Variants in ANAPC10 observed in about 807,000 individuals in gnomAD.
The protein encoded by ANAPC10 is anaphase promoting complex subunit 10.
A neutral mutation model predicts 22.0 loss-of-function variants in ANAPC10; 12 were observed. That is an observed-to-expected ratio of 0.55 (90% CI 0.35 to 0.88). The LOEUF (loss-of-function observed/expected upper bound fraction) is 0.88. Among genes scored for constraint, ANAPC10 ranks in the 40% least tolerant of loss-of-function variants. The pLI, the probability that ANAPC10 is intolerant of heterozygous loss-of-function variation, is 0.01. For synonymous variants in ANAPC10, 65 were observed against 69.5 expected, an observed-to-expected ratio of 0.94 and a Z score of 0.32; for missense variants, 188 against 220.9, an observed-to-expected ratio of 0.85 and a Z score of 0.94.
At chr4:145,028,649 A>T (rs1737095184) in intron 4 of ANAPC10, among the ~76,000 whole-genome samples, 1 of 152,150 alleles carries the variant, frequency 6.6e-6, no homozygotes, top group African/African-American at 2.4e-5. Context: ...TAAGGACTCT[A>T]CTTCAAATAG....
intron 4 of ANAPC10, among the ~76,000 whole-genome samples, chr4:145,063,553 A>G (rs1743220007): frequency 6.6e-6 from 1 of 152,170 alleles, no homozygotes; most frequent in African/African-American, 2.4e-5. Context: ...GGCCTTTCAA[A>G]GATCACAAGT....
intron 3 of ANAPC10, among the ~76,000 whole-genome samples, chr4:145,075,020 T>C (rs974016215): frequency 6.6e-6 from 1 of 152,018 alleles, no homozygotes; most frequent in African/African-American, 2.4e-5. Flanking sequence ...TTGGCTTCAA[T>C]CCCCTATTCT....
upstream of ANAPC10, chr4:145,098,221 T>C (rs192449223): frequency 6.6e-6 from 1 of 152,530 alleles, no homozygotes; most frequent in African/African-American, 2.4e-5. Context: ...AATGACGTCA[T>C]ATCTCCCTAC....
chr4:145,040,129 ATGTGTGTG>A lies in ANAPC10; in HGVS notation c.327+24435_327+24442del, dbSNP rs35260688. On this transcript the variant is annotated intron_variant, in intron 4 of 4. Coordinates refer to ENST00000507656, the MANE Select transcript of ANAPC10 (RefSeq NM_001256706.2). ...TATGCTTTTGTTTTAGTGTGTGTGT[ATGTGTGTG>A]TGTGTGTGTGTGTGTGTGTGTGTGT... Among the ~76,000 whole-genome samples, 1,028 of 148,108 alleles carry A rather than the reference ATGTGTGTG, an allele frequency of 6.9e-3. 6 individuals carry two copies. The highest frequency in any genetic ancestry group is 6.8e-3 in the Non-Finnish European group (454 of 66,764).
At chr4:145,044,474 C>G (rs34588686) in intron 4 of ANAPC10, among the ~76,000 whole-genome samples, 2 of 152,106 alleles carry the variant, frequency 1.3e-5, no homozygotes, top group South Asian at 2.1e-4. Flanking sequence ...TTCCTTCCCC[C>G]CAACTCCCAC....
chr4:145,000,520 A>T (rs1250390558), intron 4 of ANAPC10, among the ~76,000 whole-genome samples: 1 of 152,226 alleles, frequency 6.6e-6, no homozygotes, highest in Admixed American at 6.5e-5. Flanking sequence ...ATCAGTTAGA[A>T]TGGCAATCAT....
At chr4:145,052,875 G>A (rs572879364) in intron 4 of ANAPC10, among the ~76,000 whole-genome samples, 55 of 140,914 alleles carry the variant, frequency 3.9e-4, no homozygotes, top group African/African-American at 1.3e-3. Flanking sequence ...GCAACAGAGC[G>A]AGACTCTGTC....
chr4:145,039,871 G>A (rs1254548720), intron 4 of ANAPC10, among the ~76,000 whole-genome samples: 3 of 152,094 alleles, frequency 2.0e-5, no homozygotes, highest in Non-Finnish European at 4.4e-5. Flanking sequence ...TGGAATTACA[G>A]GCGTAAGTCA....
intron 4 of ANAPC10, among the ~76,000 whole-genome samples, chr4:145,032,132 G>C (rs1326860386): frequency 3.3e-5 from 5 of 152,202 alleles, no homozygotes; most frequent in African/African-American, 1.2e-4. Flanking sequence ...CAGAGGAAGA[G>C]AAGACCAGGA....
chr4:145,007,617 T>C (rs556384632), intron 4 of ANAPC10, among the ~76,000 whole-genome samples: 34 of 152,246 alleles, frequency 2.2e-4, no homozygotes, highest in African/African-American at 8.2e-4. Context: ...TAAAGATGTT[T>C]TTTGAAACCA....
rs896968777 is a variant in ANAPC10, at chr4:145,081,872, ATTTT to A, written c.116-126_116-123del. The A allele has an allele frequency of 2.8e-4, 202 of 725,264 alleles. 1 individual carries two copies. Among genetic ancestry groups the A allele is most frequent in the Middle Eastern group, 7.3e-4 (2 of 2,740 alleles). 44.9% of individuals were successfully genotyped at this position (725,264 alleles called of 1,614,324 possible). A position where few individuals can be genotyped will look rare whatever the true frequency, so the allele number is the denominator to read the frequency against. On this transcript the variant is annotated intron_variant, in intron 2 of 4. Coordinates refer to ENST00000507656, the MANE Select transcript of ANAPC10 (RefSeq NM_001256706.2). ...ATAAACAGAAAGGTCAGAAATATTA[ATTTT>A]TTTTTATTTATTTTTTGTAGACAGG... is the stretch of plus-strand genomic sequence containing the variant.
intron 4 of ANAPC10, among the ~76,000 whole-genome samples, chr4:145,054,696 CTGTGTGTGTGTGCA>C (rs139187967): frequency 0.015 from 2,142 of 142,422 alleles, 54 homozygotes; most frequent in African/African-American, 0.053. Flanking sequence ...GTGTGTGTGC[CTGTGTGTGTGTGCA>C]TGTGTGTGTG....
intron 3 of ANAPC10, among the ~76,000 whole-genome samples, chr4:145,080,780 GCCTGTAATC>G (rs1745882799): frequency 6.6e-6 from 1 of 151,854 alleles, no homozygotes; most frequent in African/African-American, 2.4e-5. Context: ...GGTGGCGCAT[GCCTGTAATC>G]CCAGTTACTC....
intron 4 of ANAPC10, among the ~76,000 whole-genome samples, chr4:145,061,018 A>C (rs1480653020): frequency 6.6e-6 from 1 of 152,108 alleles, no homozygotes; most frequent in Non-Finnish European, 1.5e-5. Context: ...ACATCCAAAA[A>C]TTGTAGTTCC....
chr4:145,001,424 T>C (rs915666057), intron 4 of ANAPC10, among the ~76,000 whole-genome samples: 6 of 152,086 alleles, frequency 3.9e-5, no homozygotes, highest in Non-Finnish European at 5.9e-5. Flanking sequence ...TCAAAAATCA[T>C]AGACACAGAA....
chr4:145,034,658 A>G (rs1258578570), intron 4 of ANAPC10, among the ~76,000 whole-genome samples: 5 of 151,234 alleles, frequency 3.3e-5, no homozygotes, highest in Non-Finnish European at 7.4e-5. Flanking sequence ...GATAAAAATT[A>G]TATGTATATA....
At chr4:145,088,882 T>A (rs1247929304) in intron 2 of ANAPC10, among the ~76,000 whole-genome samples, 2 of 152,184 alleles carry the variant, frequency 1.3e-5, no homozygotes, top group Admixed American at 1.3e-4. Context: ...CAATCCACTC[T>A]ACCATTTCTC....
intron 4 of ANAPC10, among the ~76,000 whole-genome samples, chr4:145,004,987 A>G (rs1236527373): frequency 6.6e-6 from 1 of 152,136 alleles, no homozygotes; most frequent in African/African-American, 2.4e-5. Flanking sequence ...CCTGGTTGGT[A>G]GGCTTTTTAT....
At chr4:145,078,676 G>A (rs1745531302) in intron 3 of ANAPC10, among the ~76,000 whole-genome samples, 1 of 152,114 alleles carries the variant, frequency 6.6e-6, no homozygotes, top group South Asian at 2.1e-4. Context: ...TACAAAAACA[G>A]ACACAGAGAC....
Sources: gnomAD v4.1 joint callset for allele counts (sites outside exome capture counted in the v4.1 genomes callset) on GRCh38, gnomAD v4.1.1 for gene constraint, MANE v1.5 for transcripts, NCBI Gene and HGNC (gene_info 2026-07-23, HGNC 2026-07-21) for gene names.